STXBP5L: variants seen among roughly 807,000 people sequenced by gnomAD.
STXBP5L encodes syntaxin binding protein 5L.
In STXBP5L, 65 loss-of-function variants were observed where a neutral mutation model predicts 144.5. The observed-to-expected ratio is 0.45, with a 90% CI of 0.37 to 0.55. The LOEUF is 0.55. STXBP5L is among the 20% of genes least tolerant of loss of function. The pLI, the probability that STXBP5L is intolerant of heterozygous loss-of-function variation, is 0.00. For synonymous variants in STXBP5L, 505 were observed against 469.6 expected (o/e 1.08, Z -0.97); for missense variants, 1,298 against 1,405.5 (o/e 0.92, Z 1.22).
chr3:121,056,797 A>G (rs1948490448), intron 5 of STXBP5L, among the ~76,000 whole-genome samples: 1 of 151,988 alleles, frequency 6.6e-6, no homozygotes, highest in Admixed American at 6.6e-5. Context: ...AAGCAAATAT[A>G]ATATGTAACA....
chr3:121,255,533 TG>T (rs1268572006), intron 16 of STXBP5L, among the ~76,000 whole-genome samples: 1 of 152,002 alleles, frequency 6.6e-6, no homozygotes, highest in Non-Finnish European at 1.5e-5. Context: ...ACTAATAAAA[TG>T]TATAGGTTTT....
At chr3:121,054,957 C>T (rs1270267479) in intron 5 of STXBP5L, among the ~76,000 whole-genome samples, 2 of 151,876 alleles carry the variant, frequency 1.3e-5, no homozygotes, top group African/African-American at 2.4e-5. Flanking sequence ...TGTTCTGGCC[C>T]CTTTTATGGA....
intron 20 of STXBP5L, among the ~76,000 whole-genome samples, chr3:121,362,642 C>A (rs1474483542): frequency 6.6e-6 from 1 of 152,162 alleles, no homozygotes; most frequent in African/African-American, 2.4e-5. Context: ...GAGTTACCCT[C>A]TGGCCCAGGA....
intron 3 of STXBP5L, among the ~76,000 whole-genome samples, chr3:121,016,529 A>T (rs1233792261): frequency 6.6e-6 from 1 of 150,842 alleles, no homozygotes; most frequent in African/African-American, 2.5e-5. Context: ...GTTTGAAGAT[A>T]GATAAATAGA....
intron 19 of STXBP5L, among the ~76,000 whole-genome samples, chr3:121,301,314 G>GA (rs1427832087): frequency 2.0e-5 from 3 of 152,160 alleles, no homozygotes; most frequent in Non-Finnish European, 4.4e-5. Flanking sequence ...AAGCAATTGT[G>GA]AATGGGAGTT....
At chr3:121,112,154 G>A (rs1407294192) in intron 5 of STXBP5L, among the ~76,000 whole-genome samples, 5 of 152,078 alleles carry the variant, frequency 3.3e-5, no homozygotes, top group Non-Finnish European at 5.9e-5. Flanking sequence ...AGTCATCTTA[G>A]GCAACAGGCA....
chr3:121,379,200 T>C (rs997248196), intron 21 of STXBP5L, among the ~76,000 whole-genome samples: 3 of 152,198 alleles, frequency 2.0e-5, no homozygotes, highest in Admixed American at 6.5e-5. Context: ...ATCCCAATGG[T>C]AAGCTTTTTG....
At chr3:121,098,970 T>C (rs886591176) in intron 5 of STXBP5L, 1 of 152,118 alleles carries the variant, frequency 6.6e-6, no homozygotes, top group Non-Finnish European at 1.5e-5. Context: ...TCTGGTGCAT[T>C]CTGGACTCCA....
chr3:121,334,778 C>A (rs1182134342), intron 20 of STXBP5L, among the ~76,000 whole-genome samples: 1 of 152,004 alleles, frequency 6.6e-6, no homozygotes, highest in Admixed American at 6.6e-5. Context: ...ATGTTAAAAG[C>A]TCTCAACATA....
intron 24 of STXBP5L, among the ~76,000 whole-genome samples, chr3:121,414,964 T>C (rs944462786): frequency 6.6e-6 from 1 of 152,122 alleles, no homozygotes; most frequent in African/African-American, 2.4e-5. Context: ...AGGAAGGAAT[T>C]AGTCATTTCT....
chr3:121,218,496 G>A (rs73191437), intron 10 of STXBP5L, among the ~76,000 whole-genome samples: 5,377 of 151,440 alleles, frequency 0.036, 144 homozygotes, highest in Middle Eastern at 0.082. Context: ...AGCAGTAGAG[G>A]CAAGGACATA....
chr3:121,230,631 T>C (rs979431908), intron 11 of STXBP5L, among the ~76,000 whole-genome samples: 11 of 152,080 alleles, frequency 7.2e-5, no homozygotes, highest in Non-Finnish European at 8.8e-5. Flanking sequence ...GCTTAATTTA[T>C]GAATACTCAT....
chr3:121,002,453 A>G (rs1049893601), intron 3 of STXBP5L, among the ~76,000 whole-genome samples: 34 of 152,098 alleles, frequency 2.2e-4, no homozygotes, highest in African/African-American at 7.7e-4. Flanking sequence ...CATATCAGAT[A>G]TATGGTTTGC....
At chr3:120,914,007 A>T (rs564039268) in intron 2 of STXBP5L, among the ~76,000 whole-genome samples, 34 of 152,158 alleles carry the variant, frequency 2.2e-4, no homozygotes, top group African/African-American at 7.7e-4. Context: ...ATCTAGTGAA[A>T]GAGTTGATAC....
intron 9 of STXBP5L, among the ~76,000 whole-genome samples, chr3:121,205,300 T>C (rs1413614613): frequency 3.9e-5 from 6 of 152,202 alleles, no homozygotes; most frequent in Non-Finnish European, 8.8e-5. Context: ...TACTGTGTTA[T>C]AACATGGTGG....
intron 19 of STXBP5L, among the ~76,000 whole-genome samples, chr3:121,303,699 T>TA (rs1360794650): frequency 6.6e-6 from 1 of 152,078 alleles, no homozygotes; most frequent in Non-Finnish European, 1.5e-5. Flanking sequence ...TATGCAGCCA[T>TA]AAAAATGGAT....
In STXBP5L at chr3:121,062,816, A is replaced by T. The variant is rs529961769; in HGVS notation, c.470+17281A>T. ...TTGATTTGTCTATTGATACTTGTAT[A>T]TGCTTCACAAAGTTCTCATTCAGTG... On this transcript the variant is annotated intron_variant, in intron 5 of 26. Coordinates refer to ENST00000471454, the MANE Select transcript of STXBP5L (RefSeq NM_001308330.2). Among the ~76,000 whole-genome samples, 14 of 152,250 alleles carry T rather than the reference A, an allele frequency of 9.2e-5. No homozygotes were observed. The East Asian group carries it at 2.7e-3, about 29-fold the overall frequency.
chr3:121,193,480 C>T (rs764780080), intron 9 of STXBP5L, among the ~76,000 whole-genome samples: 7 of 151,544 alleles, frequency 4.6e-5, no homozygotes, highest in Non-Finnish European at 8.8e-5. Flanking sequence ...GGGTATGTAC[C>T]CAAAGGATTA....
intron 3 of STXBP5L, among the ~76,000 whole-genome samples, chr3:120,974,669 GT>G (rs1376355132): frequency 6.6e-6 from 1 of 152,102 alleles, no homozygotes; most frequent in Non-Finnish European, 1.5e-5. Context: ...GGTTTTTATG[GT>G]TTTAGGTCTG....
Sources: allele counts gnomAD v4.1 joint callset (sites outside exome capture counted in the v4.1 genomes callset), GRCh38; gene constraint gnomAD v4.1.1; transcripts MANE v1.5; gene names NCBI Gene and HGNC (gene_info 2026-07-23, HGNC 2026-07-21).